WDR72: variants seen among roughly 807,000 people sequenced by gnomAD.
WDR72 encodes the protein WD repeat domain 72.
WDR72 carries 120 observed loss-of-function variants against 124.2 expected under a neutral mutation model. The ratio of observed to expected loss-of-function variants is 0.97; its 90% confidence interval spans 0.83 to 1.12. WDR72 has a LOEUF of 1.12. Ranked by LOEUF, WDR72 falls within the 50% of genes most tolerant of loss-of-function variation. WDR72 has a pLI of 0.00. For missense variants in WDR72, 1,387 were observed against 1,278.8 expected (o/e 1.08, Z -1.29); for synonymous variants, 452 against 441.7 (o/e 1.02, Z -0.29).
At chr15:53,672,276 GC>G (rs2016019250) in intron 13 of WDR72, among the ~76,000 whole-genome samples, 1 of 136,498 alleles carries the variant, frequency 7.3e-6, no homozygotes, top group Non-Finnish European at 1.6e-5. Context: ...AAAGCCTTAA[GC>G]ATTAGCAGCA....
At chr15:53,624,839 G>T (rs2014142225) in intron 14 of WDR72, among the ~76,000 whole-genome samples, 2 of 152,040 alleles carry the variant, frequency 1.3e-5, no homozygotes, top group African/African-American at 4.8e-5. Context: ...TTAACAAAGG[G>T]CCTTGAAAAC....
chr15:53,580,658 G>C (rs2011868773), intron 18 of WDR72, among the ~76,000 whole-genome samples: 1 of 151,934 alleles, frequency 6.6e-6, no homozygotes, highest in South Asian at 2.1e-4. Context: ...TTTGTGACTT[G>C]AGCCTTGAAA....
At chr15:53,675,503 AT>A (rs1194379799) in intron 13 of WDR72, among the ~76,000 whole-genome samples, 2 of 152,220 alleles carry the variant, frequency 1.3e-5, no homozygotes, top group Non-Finnish European at 2.9e-5. Flanking sequence ...ATTATCTATT[AT>A]ATACAAAACT....
intron 13 of WDR72, among the ~76,000 whole-genome samples, chr15:53,677,901 T>C (rs1452128374): frequency 7.9e-5 from 12 of 152,158 alleles, no homozygotes; most frequent in Admixed American, 7.9e-4. Flanking sequence ...CTTAAAACAA[T>C]CCCGTTAACT....
At chr15:53,755,058 C>G (rs530680390) in intron 1 of WDR72, among the ~76,000 whole-genome samples, 1 of 152,236 alleles carries the variant, frequency 6.6e-6, no homozygotes, top group South Asian at 2.1e-4. Context: ...AAAATAGGAG[C>G]TACTCAGAAC....
At chr15:53,629,978 C>G (rs1184053964) in intron 14 of WDR72, among the ~76,000 whole-genome samples, 1 of 152,088 alleles carries the variant, frequency 6.6e-6, no homozygotes, top group Admixed American at 6.5e-5. Context: ...GCAAATTAAA[C>G]AATACACTCC....
At chr15:53,526,742 G>A (rs1285025610) in intron 18 of WDR72, among the ~76,000 whole-genome samples, 1 of 152,074 alleles carries the variant, frequency 6.6e-6, no homozygotes, top group African/African-American at 2.4e-5. Context: ...GCATTTCAGA[G>A]CTTGGCAGAG....
intron 8 of WDR72, 83 bp from the exon 9 acceptor site, chr15:53,711,036 G>A (rs936483410): frequency 1.6e-5 from 19 of 1,175,026 alleles, no homozygotes; most frequent in East Asian, 4.9e-5. Context: ...TTCAAAAGCC[G>A]GATGGTACCG....
chr15:53,588,863 A>G (rs557513185), intron 18 of WDR72, among the ~76,000 whole-genome samples: 1 of 152,012 alleles, frequency 6.6e-6, no homozygotes, highest in South Asian at 2.1e-4. Context: ...TCATTAGTGG[A>G]GGCTGACCCA....
chr15:53,676,419 G>A (rs1217393014), intron 13 of WDR72, among the ~76,000 whole-genome samples: 3 of 152,228 alleles, frequency 2.0e-5, no homozygotes, highest in Non-Finnish European at 4.4e-5. Context: ...AATGCAGAAA[G>A]TTCTCTCCAG....
chr15:53,686,924 A>G (rs997356172), intron 13 of WDR72, among the ~76,000 whole-genome samples: 1 of 151,754 alleles, frequency 6.6e-6, no homozygotes, highest in Non-Finnish European at 1.5e-5. Context: ...AAACCACTCA[A>G]ATACATGGAA....
At chr15:53,714,344 A>C (rs1339393551) in intron 6 of WDR72, 90 bp downstream of exon 6, 1 of 1,030,188 alleles carries the variant, frequency 9.7e-7, no homozygotes, top group African/African-American at 1.6e-5. Context: ...TGAACTTTTG[A>C]CAATAAACAT....
intron 1 of WDR72, among the ~76,000 whole-genome samples, chr15:53,735,284 G>A (rs1437435688): frequency 6.6e-6 from 1 of 151,644 alleles, no homozygotes; most frequent in African/African-American, 2.4e-5. Flanking sequence ...GAGCAAGACA[G>A]GGGGGAAAAA....
intron 13 of WDR72, among the ~76,000 whole-genome samples, chr15:53,692,309 A>C (rs1451343822): frequency 6.6e-6 from 1 of 152,226 alleles, no homozygotes; most frequent in Non-Finnish European, 1.5e-5. Flanking sequence ...TGTCCTTCAC[A>C]GTGGTATGCA....
intron 18 of WDR72, among the ~76,000 whole-genome samples, chr15:53,582,603 A>G (rs1203503276): frequency 2.0e-5 from 3 of 151,998 alleles, no homozygotes; most frequent in Non-Finnish European, 4.4e-5. Flanking sequence ...AAAAGAATCA[A>G]AAACCCACTT....
In WDR72 at chr15:53,613,653, G is replaced by A; in HGVS notation, c.2872+13C>T. Reference sequence around the variant, plus strand: ...AAAAAATCAGATCATATCTGTGCCAGTAACTCTCTTACCATTTCGTAAGCA... The same window carrying A: ...AAAAAATCAGATCATATCTGTGCCAATAACTCTCTTACCATTTCGTAAGCA... On this transcript the variant is annotated intron_variant, in intron 16 of 19. Coordinates refer to ENST00000360509, the MANE Select transcript of WDR72 (RefSeq NM_182758.4). 1 of 1,582,624 alleles carries A rather than the reference G, an allele frequency of 6.3e-7. No individual in the cohort carries two copies. Among genetic ancestry groups the A allele is most frequent in the Non-Finnish European group, 8.7e-7 (1 of 1,153,448 alleles).
intron 13 of WDR72, among the ~76,000 whole-genome samples, chr15:53,667,112 G>A (rs1346834065): frequency 6.6e-6 from 1 of 152,088 alleles, no homozygotes; most frequent in Non-Finnish European, 1.5e-5. Flanking sequence ...AGCACTTTTG[G>A]AGCCTGAGGT....
At chr15:53,620,394 T>C (rs113149978) in intron 14 of WDR72, among the ~76,000 whole-genome samples, 2,212 of 151,056 alleles carry the variant, frequency 0.015, 53 homozygotes, top group African/African-American at 0.052. Context: ...TTTGATCATA[T>C]TTATTTTTTA....
chr15:53,640,917 AT>A (rs35605293), intron 14 of WDR72, among the ~76,000 whole-genome samples: 52,557 of 151,450 alleles, frequency 0.35, 10,508 homozygotes, highest in Middle Eastern at 0.57. Flanking sequence ...TATTACAAAG[AT>A]TTTTTTCAAG....
Sources: gnomAD v4.1 joint callset for allele counts (sites outside exome capture counted in the v4.1 genomes callset) on GRCh38, gnomAD v4.1.1 for gene constraint, MANE v1.5 for transcripts, NCBI Gene and HGNC (gene_info 2026-07-23, HGNC 2026-07-21) for gene names.